ZC3H12B: variants seen among roughly 807,000 people sequenced by gnomAD.
ZC3H12B encodes zinc finger CCCH-type containing 12B.
ZC3H12B carries 7 observed loss-of-function variants against 43.9 expected under a neutral mutation model. The observed-to-expected ratio is 0.16, with a 90% CI of 0.09 to 0.30. The LOEUF is 0.30. Among genes scored for constraint, ZC3H12B ranks in the 10% least tolerant of loss-of-function variants. The pLI, the probability that ZC3H12B is intolerant of heterozygous loss-of-function variation, is 1.00. For missense variants in ZC3H12B, 475 were observed against 670.2 expected (o/e 0.71, Z 3.22); for synonymous variants, 222 against 241.7 (o/e 0.92, Z 0.76).
the ZC3H12B span, among the ~76,000 whole-genome samples, chrX:65,261,398 A>C: frequency 9.0e-6 from 1 of 111,472 alleles, no homozygotes; most frequent in East Asian, 2.8e-4. Context: ...ATAGCCTTCC[A>C]TAATGTTATG....
chrX:65,158,512 C>G, the ZC3H12B span, among the ~76,000 whole-genome samples: 1 of 112,195 alleles, frequency 8.9e-6, no homozygotes, highest in Non-Finnish European at 1.9e-5. Context: ...TTGCATTTCT[C>G]TGATGGCCAG....
chrX:65,192,733 T>G, the ZC3H12B span, among the ~76,000 whole-genome samples: 3 of 110,570 alleles, frequency 2.7e-5, no homozygotes, highest in Non-Finnish European at 5.7e-5. Flanking sequence ...TTATGTTGTT[T>G]AATTTGTTTT....
At chrX:65,429,611 C>T (rs948977738) in intron 3 of ZC3H12B, among the ~76,000 whole-genome samples, 2 of 112,461 alleles carry the variant, frequency 1.8e-5, no homozygotes, top group Non-Finnish European at 3.8e-5. Flanking sequence ...CCAAAGCTGG[C>T]AGGCTGGAGT....
chrX:65,121,619 T>C, the ZC3H12B span, among the ~76,000 whole-genome samples: 1 of 111,653 alleles, frequency 9.0e-6, no homozygotes, highest in African/African-American at 3.3e-5. Context: ...ATTCATTGAT[T>C]TTTTGAAGGG....
At chrX:65,206,912 A>G in the ZC3H12B span, among the ~76,000 whole-genome samples, 1 of 110,607 alleles carries the variant, frequency 9.0e-6, no homozygotes, top group Admixed American at 9.7e-5. Flanking sequence ...GAAATACTCA[A>G]CAACACTAAT....
intron 3 of ZC3H12B, among the ~76,000 whole-genome samples, chrX:65,435,663 T>TAGATAGAC (rs1222949356): frequency 7.4e-5 from 8 of 108,524 alleles, no homozygotes; most frequent in African/African-American, 2.7e-4. Flanking sequence ...GATAGATAGA[T>TAGATAGAC]AGATAGATAG....
At chrX:65,453,657 G>T (rs2067557398) in intron 3 of ZC3H12B, among the ~76,000 whole-genome samples, 1 of 108,000 alleles carries the variant, frequency 9.3e-6, no homozygotes, top group Non-Finnish European at 1.9e-5. Flanking sequence ...AGGAGGCAGA[G>T]GTTGCAGTGA....
At chrX:65,212,533 A>T in the ZC3H12B span, among the ~76,000 whole-genome samples, 1 of 74,579 alleles carries the variant, frequency 1.3e-5, no homozygotes, top group Non-Finnish European at 2.3e-5. Flanking sequence ...TATATTACAT[A>T]TAATGTATAT....
At chrX:65,388,627 C>A (rs1464810141) in intron 2 of ZC3H12B, among the ~76,000 whole-genome samples, 1 of 111,641 alleles carries the variant, frequency 9.0e-6, no homozygotes, top group Non-Finnish European at 1.9e-5. Flanking sequence ...TGTCTTAAGC[C>A]TTCTTCTCTC....
the ZC3H12B span, among the ~76,000 whole-genome samples, chrX:65,238,559 T>G: frequency 1.1e-4 from 12 of 111,589 alleles, no homozygotes; most frequent in Admixed American, 1.9e-4. Context: ...CTGAGTTTTG[T>G]GAAGTTTTGT....
chrX:65,152,827 A>G, the ZC3H12B span, among the ~76,000 whole-genome samples: 3 of 111,990 alleles, frequency 2.7e-5, no homozygotes, highest in Admixed American at 9.5e-5. Context: ...ACCTGACTTC[A>G]AACTATACTA....
At chrX:65,391,771 C>G (rs1449639439) in intron 2 of ZC3H12B, among the ~76,000 whole-genome samples, 2 of 111,172 alleles carry the variant, frequency 1.8e-5, no homozygotes, top group African/African-American at 6.6e-5. Flanking sequence ...TGGTCTCCCC[C>G]TCTCCCTCAT....
At chrX:65,171,053 A>G in the ZC3H12B span, among the ~76,000 whole-genome samples, 1 of 112,037 alleles carries the variant, frequency 8.9e-6, no homozygotes, top group Non-Finnish European at 1.9e-5. Context: ...TGTCAGAGTC[A>G]TTCTCCATCC....
the ZC3H12B span, among the ~76,000 whole-genome samples, chrX:65,360,755 G>A: frequency 4.5e-5 from 5 of 112,087 alleles, no homozygotes; most frequent in African/African-American, 1.6e-4. Flanking sequence ...AATAATGATA[G>A]CAACTTAATT....
the ZC3H12B span, among the ~76,000 whole-genome samples, chrX:65,127,465 T>G: frequency 9.0e-6 from 1 of 110,872 alleles, no homozygotes; most frequent in South Asian, 3.9e-4. Flanking sequence ...GTGCATTGGT[T>G]TTGTGTTGGT....
At chrX:65,278,741 A>T in the ZC3H12B span, among the ~76,000 whole-genome samples, 5 of 110,817 alleles carry the variant, frequency 4.5e-5, no homozygotes, top group Non-Finnish European at 7.6e-5. Flanking sequence ...AGATTATTTT[A>T]TCATCCAGGT....
rs373852353 is a variant in ZC3H12B, at chrX:65,489,447, C to A, written c.608+38C>A. 4 of 1,140,510 alleles carry A rather than the reference C, an allele frequency of 3.5e-6. No homozygotes were observed. The African/African-American group carries it at 5.5e-5, about 16-fold the overall frequency. 94.0% of individuals were successfully genotyped at this position (1,140,510 alleles called of 1,213,427 possible). ...TGTTTTTTTCTCCCATTTTAAAAAA[C>A]TGCCCTGAGCTCATAGAAATTTTCT... On this transcript the variant is annotated intron_variant, in intron 1 of 4. Transcript: ENST00000338957.
At chrX:65,428,523 C>T (rs1021606553) in intron 3 of ZC3H12B, among the ~76,000 whole-genome samples, 1 of 112,536 alleles carries the variant, frequency 8.9e-6, no homozygotes, top group South Asian at 3.6e-4. Flanking sequence ...CTCTGAGATT[C>T]TTTCCTCCAT....
chrX:65,206,868 A>C, the ZC3H12B span, among the ~76,000 whole-genome samples: 1 of 111,409 alleles, frequency 9.0e-6, no homozygotes, highest in Non-Finnish European at 1.9e-5. Context: ...CAATTTGCAA[A>C]AGAAGATATA....
Sources: gnomAD v4.1 joint callset for allele counts (sites outside exome capture counted in the v4.1 genomes callset) on GRCh38, gnomAD v4.1.1 for gene constraint, MANE v1.5 for transcripts, NCBI Gene and HGNC (gene_info 2026-07-23, HGNC 2026-07-21) for gene names.